WWOX: variants seen among roughly 807,000 people sequenced by gnomAD.
The protein encoded by WWOX is WW domain containing oxidoreductase.
A neutral mutation model predicts 46.2 loss-of-function variants in WWOX; 69 were observed. That is an observed-to-expected ratio of 1.49 (90% CI 1.23 to 1.82). WWOX has a LOEUF of 1.82. WWOX is among the 40% of genes most tolerant of loss of function. The pLI is 0.00. For missense variants in WWOX, 919 were observed against 542.6 expected, an observed-to-expected ratio of 1.69 and a Z score of -6.89; for synonymous variants, 359 against 202.6, an observed-to-expected ratio of 1.77 and a Z score of -6.56.
intron 5 of WWOX, among the ~76,000 whole-genome samples, chr16:78,267,574 G>A (rs1430813909): frequency 1.3e-5 from 2 of 152,200 alleles, no homozygotes; most frequent in Non-Finnish European, 2.9e-5. Context: ...AGGGGAATGA[G>A]CCCCTGAGGA....
intron 8 of WWOX, among the ~76,000 whole-genome samples, chr16:78,532,977 A>T (rs997425620): frequency 1.3e-5 from 2 of 152,216 alleles, no homozygotes; most frequent in African/African-American, 4.8e-5. Flanking sequence ...GAGGGAACAG[A>T]TGCTTGGATA....
intron 8 of WWOX, among the ~76,000 whole-genome samples, chr16:78,972,687 C>T (rs1324562726): frequency 1.3e-5 from 2 of 152,232 alleles, no homozygotes; most frequent in Non-Finnish European, 2.9e-5. Context: ...TCCCTTCCAG[C>T]TCAGCTGCCT....
intron 4 of WWOX, among the ~76,000 whole-genome samples, chr16:78,148,060 C>A: frequency 6.6e-6 from 1 of 152,050 alleles, no homozygotes; most frequent in Non-Finnish European, 1.5e-5. Flanking sequence ...AAAGGAAATC[C>A]TGTACCAGCT....
chr16:78,794,799 TC>T (rs1405487691), intron 8 of WWOX, among the ~76,000 whole-genome samples: 1 of 152,226 alleles, frequency 6.6e-6, no homozygotes, highest in African/African-American at 2.4e-5. Context: ...GCAGATCCTT[TC>T]TAATGCAGAA....
chr16:78,742,560 G>C (rs1210250221), intron 8 of WWOX, among the ~76,000 whole-genome samples: 1 of 152,178 alleles, frequency 6.6e-6, no homozygotes, highest in Admixed American at 6.5e-5. Flanking sequence ...TGACAAATCA[G>C]TTTCTAGGGA....
chr16:79,070,160 T>A (rs1324863975), intron 8 of WWOX, among the ~76,000 whole-genome samples: 1 of 152,198 alleles, frequency 6.6e-6, no homozygotes, highest in South Asian at 2.1e-4. Context: ...ACCAAGGCAA[T>A]GCAGGTCAGC....
chr16:79,078,057 A>T (rs963180623), intron 8 of WWOX: 2 of 152,012 alleles, frequency 1.3e-5, no homozygotes, highest in African/African-American at 4.8e-5. Context: ...AGCTCAGGGG[A>T]AAAAAAGGTC....
intron 8 of WWOX, among the ~76,000 whole-genome samples, chr16:79,085,685 C>T (rs2048841595): frequency 6.6e-6 from 1 of 152,110 alleles, no homozygotes; most frequent in Non-Finnish European, 1.5e-5. Context: ...TAGAAAAATG[C>T]ATACATTTTA....
At chr16:78,508,336 T>TTTA (rs2085270211) in intron 8 of WWOX, among the ~76,000 whole-genome samples, 10 of 141,786 alleles carry the variant, frequency 7.1e-5, no homozygotes, top group Admixed American at 7.2e-5. Flanking sequence ...TTTTTTTTTT[T>TTTA]TTTTAACGCT....
At chr16:78,770,870 C>T (rs780695162) in intron 8 of WWOX, among the ~76,000 whole-genome samples, 2 of 152,218 alleles carry the variant, frequency 1.3e-5, no homozygotes, top group Non-Finnish European at 2.9e-5. Flanking sequence ...ACGGTTGGCA[C>T]CGATGCTAAT....
intron 1 of WWOX, among the ~76,000 whole-genome samples, chr16:78,103,510 G>A (rs2031938828): frequency 6.6e-6 from 1 of 152,070 alleles, no homozygotes; most frequent in Non-Finnish European, 1.5e-5. Context: ...CTGGATCAGG[G>A]TTGAAAGGCT....
chr16:78,925,704 TCTC>T (rs1375576173), intron 8 of WWOX, among the ~76,000 whole-genome samples: 13 of 152,088 alleles, frequency 8.5e-5, no homozygotes, highest in African/African-American at 3.1e-4. Flanking sequence ...AGAAGGGAAG[TCTC>T]CACCTTCCAG....
chr16:78,582,244 G>A (rs2045076972), intron 8 of WWOX, among the ~76,000 whole-genome samples: 1 of 152,160 alleles, frequency 6.6e-6, no homozygotes, highest in South Asian at 2.1e-4. Context: ...TCAGGTGAAG[G>A]TAAAAATCAA....
At chr16:79,160,591 GTTTTA>G (rs1279949706) in intron 8 of WWOX, among the ~76,000 whole-genome samples, 1 of 152,072 alleles carries the variant, frequency 6.6e-6, no homozygotes, top group Non-Finnish European at 1.5e-5. Context: ...ATTTTATTTT[GTTTTA>G]TTTTATTTCA....
chr16:79,096,388 C>A (rs1293759278), intron 8 of WWOX, among the ~76,000 whole-genome samples: 5 of 152,132 alleles, frequency 3.3e-5, no homozygotes, highest in African/African-American at 4.8e-5. Context: ...TGGCTCTGTT[C>A]TTCCTGCCAG....
At chr16:78,911,824 C>A (rs554454165) in intron 8 of WWOX, among the ~76,000 whole-genome samples, 1 of 152,196 alleles carries the variant, frequency 6.6e-6, no homozygotes, top group South Asian at 2.1e-4. Flanking sequence ...TGAGATCACG[C>A]TGATGCATTC....
intron 8 of WWOX, among the ~76,000 whole-genome samples, chr16:78,918,705 C>G (rs1049670046): frequency 3.3e-5 from 5 of 152,202 alleles, no homozygotes; most frequent in Admixed American, 3.3e-4. Flanking sequence ...TTATTCTAGT[C>G]TCAGGCCCTG....
At chr16:78,756,457 G>C (rs2049649424) in intron 8 of WWOX, among the ~76,000 whole-genome samples, 1 of 152,154 alleles carries the variant, frequency 6.6e-6, no homozygotes, top group South Asian at 2.1e-4. Context: ...TCCAGAAAAA[G>C]ATTGATTAGG....
At chr16:78,687,019 CAT>C (rs2047877296) in intron 8 of WWOX, among the ~76,000 whole-genome samples, 1 of 152,176 alleles carries the variant, frequency 6.6e-6, no homozygotes, top group Non-Finnish European at 1.5e-5. Context: ...CCAGTTGGCA[CAT>C]CATGGCCAAC....
Sources: allele counts gnomAD v4.1 joint callset (sites outside exome capture counted in the v4.1 genomes callset), GRCh38; gene constraint gnomAD v4.1.1; transcripts MANE v1.5; gene names NCBI Gene and HGNC (gene_info 2026-07-23, HGNC 2026-07-21).